DTWD2: variants seen among roughly 807,000 people sequenced by gnomAD.
DTWD2 encodes the protein tRNA-uridine aminocarboxypropyltransferase 2.
DTWD2 carries 39 observed loss-of-function variants against 31.8 expected under a neutral mutation model. The observed-to-expected ratio is 1.22, with a 90% CI of 0.95 to 1.60. The LOEUF is 1.60. Ranked by LOEUF, DTWD2 falls within the 40% of genes most tolerant of loss-of-function variation. The probability of loss-of-function intolerance (pLI) is 0.00; values close to 1 mark genes in which losing one functional copy is unlikely to be tolerated. For missense variants in DTWD2, 515 were observed against 381.5 expected (o/e 1.35, Z -2.92); for synonymous variants, 180 against 142.8 (o/e 1.26, Z -1.86).
At chr5:118,892,239 G>C (rs184761290) in intron 4 of DTWD2, among the ~76,000 whole-genome samples, 52 of 152,150 alleles carry the variant, frequency 3.4e-4, no homozygotes, top group African/African-American at 1.2e-3. Flanking sequence ...GAAAAAAGTA[G>C]TTCACATATC....
chr5:118,912,559 T>C (rs1351970913), intron 4 of DTWD2, among the ~76,000 whole-genome samples: 1 of 152,208 alleles, frequency 6.6e-6, no homozygotes, highest in East Asian at 1.9e-4. Flanking sequence ...CCTTTGCCCA[T>C]ATTGTTTTAC....
At chr5:118,946,043 T>C (rs1754332360) in intron 1 of DTWD2, among the ~76,000 whole-genome samples, 1 of 152,184 alleles carries the variant, frequency 6.6e-6, no homozygotes, top group Non-Finnish European at 1.5e-5. Context: ...TGTGGGTAAA[T>C]TGGCTCAAAC....
At chr5:118,843,206 C>T (rs951618461) in intron 5 of DTWD2, among the ~76,000 whole-genome samples, 15 of 151,668 alleles carry the variant, frequency 9.9e-5, no homozygotes, top group Non-Finnish European at 1.9e-4. Flanking sequence ...CCACCTGCCT[C>T]GGCCTCCCAA....
chr5:118,851,409 C>T (rs907284050), intron 4 of DTWD2, among the ~76,000 whole-genome samples: 8 of 151,736 alleles, frequency 5.3e-5, no homozygotes, highest in Non-Finnish European at 1.2e-4. Context: ...GTGATGCCCA[C>T]CTGAGTCACA....
rs759451034 is a variant in DTWD2, at chr5:118,837,445, C to T, written c.*3472G>A. ...TTACTAAGTCAGATCTAATTTTTTA[C>T]TTGTAGCATCAATAAAATTTACTTC... On this transcript the variant is annotated 3_prime_UTR_variant, in exon 6 of 6. Coordinates refer to ENST00000510708, the MANE Select transcript of DTWD2 (RefSeq NM_173666.4). 5.9e-5 allele frequency: 9 copies of T among 152,132 alleles called. No individual in the cohort carries two copies. The highest frequency in any genetic ancestry group is 8.8e-5 in the Non-Finnish European group (6 of 68,016). The allele number at this position is 152,132 out of a possible 1,614,324, so 9.4% of individuals were successfully genotyped here.
rs1056910603 is a variant in DTWD2, at chr5:118,840,747, C to A, written c.*170G>T. Reference sequence around the variant, plus strand: ...TGCTTTTCAGTGAGCCAGTGAATTTCTGTTTATTTGTATTTATGAATATTT... The same window carrying A: ...TGCTTTTCAGTGAGCCAGTGAATTTATGTTTATTTGTATTTATGAATATTT... On this transcript the variant is annotated 3_prime_UTR_variant, in exon 6 of 6. Transcript: ENST00000510708. 2 of 631,372 alleles carry A rather than the reference C, an allele frequency of 3.2e-6. No individual in the cohort carries two copies. Among genetic ancestry groups the A allele is most frequent in the African/African-American group, 3.8e-5 (2 of 51,958 alleles). The allele number at this position is 631,372 out of a possible 1,614,324, so 39.1% of individuals were successfully genotyped here. A position where few individuals can be genotyped will look rare whatever the true frequency, so the allele number is the denominator to read the frequency against.
intron 4 of DTWD2, among the ~76,000 whole-genome samples, chr5:118,851,373 G>A (rs985627455): frequency 2.6e-5 from 4 of 151,502 alleles, no homozygotes; most frequent in South Asian, 2.1e-4. Context: ...GGGCCGCCGG[G>A]GGCAACATCA....
intron 4 of DTWD2, among the ~76,000 whole-genome samples, chr5:118,917,438 G>A (rs1256105902): frequency 1.3e-5 from 2 of 152,198 alleles, no homozygotes; most frequent in Non-Finnish European, 2.9e-5. Context: ...GTGCACCTAT[G>A]TTCAAATGCA....
At chr5:118,847,051 A>C (rs1375461383) in intron 5 of DTWD2, among the ~76,000 whole-genome samples, 2 of 152,078 alleles carry the variant, frequency 1.3e-5, no homozygotes, top group Non-Finnish European at 2.9e-5. Flanking sequence ...GGAGAGGAAA[A>C]AAGTAATTCA....
intron 4 of DTWD2, among the ~76,000 whole-genome samples, chr5:118,912,960 T>C (rs1753491027): frequency 6.6e-6 from 1 of 152,142 alleles, no homozygotes. Context: ...TTTAATTTGA[T>C]CCACAACGAA....
At chr5:118,916,483 T>A (rs751360798) in intron 4 of DTWD2, among the ~76,000 whole-genome samples, 1 of 151,968 alleles carries the variant, frequency 6.6e-6, no homozygotes, top group Non-Finnish European at 1.5e-5. Context: ...CTGATCAACA[T>A]GAAGAAACCC....
intron 1 of DTWD2, among the ~76,000 whole-genome samples, chr5:118,969,527 T>C (rs1441110469): frequency 6.6e-6 from 1 of 152,126 alleles, no homozygotes; most frequent in Non-Finnish European, 1.5e-5. Flanking sequence ...TATCTCCAGG[T>C]GTGGGAGGAC....
chr5:118,931,390 C>T (rs1416538670), intron 3 of DTWD2, among the ~76,000 whole-genome samples: 2 of 139,796 alleles, frequency 1.4e-5, no homozygotes, highest in Non-Finnish European at 3.0e-5. Context: ...CAGAACGAGA[C>T]CTTGTCTTAA....
At chr5:118,970,651 T>C (rs551771585) in intron 1 of DTWD2, among the ~76,000 whole-genome samples, 2 of 152,036 alleles carry the variant, frequency 1.3e-5, no homozygotes, top group East Asian at 1.9e-4. Flanking sequence ...CCCAGAAAGA[T>C]ACTCCACGAG....
At chr5:118,851,801 G>T (rs1309581861) in intron 4 of DTWD2, among the ~76,000 whole-genome samples, 1 of 149,818 alleles carries the variant, frequency 6.7e-6, no homozygotes, top group African/African-American at 2.5e-5. Context: ...TAACTAACCT[G>T]CACATTGTGC....
intron 3 of DTWD2, among the ~76,000 whole-genome samples, chr5:118,936,325 G>A (rs2149582555): frequency 6.6e-6 from 1 of 152,260 alleles, no homozygotes; most frequent in South Asian, 2.1e-4. Flanking sequence ...GATACTTTGA[G>A]GCCAGGAGTT....
At chr5:118,922,031 T>C (rs545908486) in intron 4 of DTWD2, among the ~76,000 whole-genome samples, 244 of 152,192 alleles carry the variant, frequency 1.6e-3, no homozygotes, top group Non-Finnish European at 2.9e-3. Flanking sequence ...AGAAAGGATA[T>C]GCAACTACTC....
chr5:118,864,340 T>C (rs1464630380), intron 4 of DTWD2, among the ~76,000 whole-genome samples: 4 of 144,222 alleles, frequency 2.8e-5, no homozygotes, highest in Non-Finnish European at 6.0e-5. Flanking sequence ...TGAGAACACA[T>C]GGACACAGGA....
chr5:118,861,217 G>A (rs986269852), intron 4 of DTWD2, among the ~76,000 whole-genome samples: 1 of 152,140 alleles, frequency 6.6e-6, no homozygotes, highest in Non-Finnish European at 1.5e-5. Context: ...GTTTTTATTG[G>A]TGGGTTCACC....
Sources: allele counts gnomAD v4.1 joint callset (sites outside exome capture counted in the v4.1 genomes callset), GRCh38; gene constraint gnomAD v4.1.1; transcripts MANE v1.5; gene names NCBI Gene and HGNC (gene_info 2026-07-23, HGNC 2026-07-21).